LRIF1: variants seen among roughly 807,000 people sequenced by gnomAD.
The protein encoded by LRIF1 is ligand-dependent nuclear receptor-interacting factor 1.
A neutral mutation model predicts 52.7 loss-of-function variants in LRIF1; 32 were observed. The ratio of observed to expected loss-of-function variants is 0.61; its 90% CI spans 0.46 to 0.82. The LOEUF (loss-of-function observed/expected upper bound fraction) is 0.82. LRIF1 is among the 40% of genes least tolerant of loss of function. The pLI is 0.00. For missense variants in LRIF1, 887 were observed against 892.0 expected, an observed-to-expected ratio of 0.99 and a Z score of 0.07; for synonymous variants, 323 against 317.4, an observed-to-expected ratio of 1.02 and a Z score of -0.19.
the LRIF1 span, among the ~76,000 whole-genome samples, chr1:110,923,156 C>T: frequency 4.7e-4 from 71 of 152,080 alleles, no homozygotes; most frequent in Non-Finnish European, 5.0e-4. Context: ...AAAAATTAGC[C>T]GGGTGTGGTG....
At chr1:110,923,829 G>A in the LRIF1 span, among the ~76,000 whole-genome samples, 1 of 151,986 alleles carries the variant, frequency 6.6e-6, no homozygotes, top group Non-Finnish European at 1.5e-5. Flanking sequence ...ACCTTAGGAA[G>A]TAAAAACAGA....
the LRIF1 span, among the ~76,000 whole-genome samples, chr1:110,876,458 T>C: frequency 6.6e-6 from 1 of 152,224 alleles, no homozygotes; most frequent in African/African-American, 2.4e-5. Context: ...AACTAAATAC[T>C]TAACATATAT....
At chr1:110,927,043 T>C in the LRIF1 span, among the ~76,000 whole-genome samples, 6 of 152,174 alleles carry the variant, frequency 3.9e-5, no homozygotes, top group African/African-American at 1.4e-4. Flanking sequence ...GGACAATGGT[T>C]AACCATATGG....
intron 1 of LRIF1, among the ~76,000 whole-genome samples, chr1:110,956,839 C>A (rs1658719216): frequency 6.6e-6 from 1 of 152,116 alleles, no homozygotes; most frequent in Non-Finnish European, 1.5e-5. Flanking sequence ...AAGTGATATG[C>A]CAGAAAGTTA....
chr1:110,957,472 A>AAAAAAAAC (rs1658752545), intron 1 of LRIF1, among the ~76,000 whole-genome samples: 1 of 142,658 alleles, frequency 7.0e-6, no homozygotes, highest in Non-Finnish European at 1.6e-5. Context: ...CTCAGTCTCA[A>AAAAAAAAC]AAAAAAAAAA....
chr1:110,957,378 T>C (rs950925583), intron 1 of LRIF1, among the ~76,000 whole-genome samples: 2 of 139,850 alleles, frequency 1.4e-5, no homozygotes, highest in African/African-American at 5.3e-5. Context: ...GAGGCTGAGG[T>C]AGGACAATGG....
intron 1 of LRIF1, among the ~76,000 whole-genome samples, chr1:110,956,375 G>A (rs1284681705): frequency 6.6e-6 from 1 of 152,144 alleles, no homozygotes; most frequent in African/African-American, 2.4e-5. Context: ...AATCAAAGAA[G>A]AGCAAAAGAA....
chr1:110,921,013 T>C, the LRIF1 span, among the ~76,000 whole-genome samples: 3 of 151,920 alleles, frequency 2.0e-5, no homozygotes, highest in Non-Finnish European at 4.4e-5. Context: ...CAAGAATAAA[T>C]GAAGAGAGGG....
the LRIF1 span, among the ~76,000 whole-genome samples, chr1:110,922,969 T>C: frequency 1.3e-5 from 2 of 152,142 alleles, no homozygotes; most frequent in African/African-American, 4.8e-5. Flanking sequence ...TGTGATTACA[T>C]TGGACCCACC....
chr1:110,901,955 C>T, the LRIF1 span, among the ~76,000 whole-genome samples: 24 of 152,284 alleles, frequency 1.6e-4, no homozygotes, highest in Admixed American at 1.0e-3. Context: ...TAACTCTAGC[C>T]TGTCCTTTAC....
At chr1:110,914,196 A>G in the LRIF1 span, among the ~76,000 whole-genome samples, 1 of 152,102 alleles carries the variant, frequency 6.6e-6, no homozygotes, top group Non-Finnish European at 1.5e-5. Context: ...AAAAATGCCT[A>G]GTGAGTACTA....
the LRIF1 span, among the ~76,000 whole-genome samples, chr1:110,882,250 C>T: frequency 6.6e-6 from 1 of 152,070 alleles, no homozygotes. Flanking sequence ...TATGATTCAT[C>T]ACTAGTTACG....
At chr1:110,920,292 A>C in the LRIF1 span, among the ~76,000 whole-genome samples, 1 of 152,248 alleles carries the variant, frequency 6.6e-6, no homozygotes, top group African/African-American at 2.4e-5. Flanking sequence ...AGAGCAACTA[A>C]GACATACTTC....
intron 1 of LRIF1, 41 bp from the exon 2 acceptor site, chr1:110,952,856 G>C (rs756489485): frequency 9.9e-7 from 1 of 1,006,938 alleles, no homozygotes; most frequent in East Asian, 2.9e-5. Context: ...CATACTACAT[G>C]GTATATACAT....
At chr1:110,881,990 A>G in the LRIF1 span, among the ~76,000 whole-genome samples, 1 of 152,168 alleles carries the variant, frequency 6.6e-6, no homozygotes, top group Non-Finnish European at 1.5e-5. Context: ...TTGAGCTTCA[A>G]GAGTTGTTTT....
At chr1:110,896,087 T>C in the LRIF1 span, among the ~76,000 whole-genome samples, 2 of 152,246 alleles carry the variant, frequency 1.3e-5, no homozygotes, top group East Asian at 1.9e-4. Flanking sequence ...TAATCTATAA[T>C]AGTACACCTC....
At chr1:110,887,058 G>GTTTAT in the LRIF1 span, among the ~76,000 whole-genome samples, 60,368 of 146,370 alleles carry the variant, frequency 0.41, 14,257 homozygotes, top group Admixed American at 0.54. Flanking sequence ...CTCTATTTAT[G>GTTTAT]TTTATTTTAT....
Position 110,949,706 on chromosome 1 carries a change from A to G in LRIF1, c.1869+145T>C, listed in dbSNP as rs900857513. On this transcript the variant is annotated intron_variant, in intron 3 of 3. Transcript: ENST00000369763. ...AAGTGCTGGGGCCTGGTTGTTTTAAATATCATTTTGGTATTATGTATTTGC... is the reference window on the plus strand; with the variant it reads ...AAGTGCTGGGGCCTGGTTGTTTTAAGTATCATTTTGGTATTATGTATTTGC... 4.4e-6 allele frequency: 4 copies of G among 918,256 alleles called. No individual in the cohort carries two copies. The African/African-American group carries it at 6.7e-5, about 15-fold the overall frequency. The allele number at this position is 918,256 out of a possible 1,614,324, so 56.9% of individuals were successfully genotyped here.
chr1:110,923,798 A>C, the LRIF1 span, among the ~76,000 whole-genome samples: 1 of 152,180 alleles, frequency 6.6e-6, no homozygotes, highest in Non-Finnish European at 1.5e-5. Context: ...AAAAGAGTGA[A>C]TATTAAAGAG....
Sources: allele counts gnomAD v4.1 joint callset (sites outside exome capture counted in the v4.1 genomes callset), GRCh38; gene constraint gnomAD v4.1.1; transcripts MANE v1.5; gene names NCBI Gene and HGNC (gene_info 2026-07-23, HGNC 2026-07-21).